ESRP2: variants seen among roughly 807,000 people sequenced by gnomAD.
ESRP2 encodes epithelial splicing regulatory protein 2.
A neutral mutation model predicts 78.6 loss-of-function variants in ESRP2; 48 were observed. That is an observed-to-expected ratio of 0.61 (90% CI 0.48 to 0.78). The LOEUF is 0.78. Among genes scored for constraint, ESRP2 ranks in the 30% least tolerant of loss-of-function variants. The pLI, the probability that ESRP2 is intolerant of heterozygous loss-of-function variation, is 0.00. For synonymous variants in ESRP2, 383 were observed against 406.7 expected (o/e 0.94, Z 0.70); for missense variants, 863 against 965.9 (o/e 0.89, Z 1.41).
Position 68,232,456 on chromosome 16 carries a change from T to C in ESRP2, c.869A>G (p.Glu290Gly). ...CLNAQGRRNGEALIRFVDSEQ... is the reference protein window; with the variant it reads ...CLNAQGRRNGGALIRFVDSEQ... The stretch of plus-strand genomic sequence containing the variant: ...GCTGTCCACAAAGCGGATGAGGGCC[T>C]CGCCATTTCTGCGGCCCTGGGCGTT... Residue 290 changes from glutamate (E) to glycine (G), a missense_variant, in exon 8 of 15, where the codon GAG (glutamate) becomes GGG (glycine). Glu to Gly is a moderately conservative substitution (Grantham distance 98). Transcript: ENST00000473183. The surrounding 1 kb of genome is among the most constrained non-coding windows in gnomAD (Gnocchi z 5.2). 6.2e-7 allele frequency: 1 copy of C among 1,614,194 alleles called. No homozygotes were observed. The highest frequency in any genetic ancestry group is 2.2e-5 in the East Asian group (1 of 44,890).
At position 68,231,961 on chromosome 16, in the gene ESRP2, C is replaced by T. The variant is rs1598651498; in HGVS notation, c.1140G>A (p.Gly380=). The T allele has an allele frequency of 6.2e-7, 1 of 1,614,078 alleles. No individual in the cohort carries two copies. The highest frequency in any genetic ancestry group is 8.5e-7 in the Non-Finnish European group (1 of 1,180,022). Residue 380 remains glycine, a synonymous_variant, in exon 10 of 15, where the codon GGG becomes GGA. Transcript: ENST00000473183. This position sits in a 1 kb window ranked among gnomAD's most constrained non-coding sequence, Gnocchi z 6.0. ...CATCAGGATGGCGCACAAAGAGCAGCCCCTCGGTACCCCCAGTCACTGGGC... is the reference window on the plus strand; with the variant it reads ...CATCAGGATGGCGCACAAAGAGCAGTCCCTCGGTACCCCCAGTCACTGGGC... ...PECPVTGGTE[G]LLFVRHPDGR... is the part of the protein sequence containing the mutation.
chr16:68,230,921 C>A lies in ESRP2; in HGVS notation c.1818G>T (p.Val606=). 1 of 1,613,554 alleles carries A rather than the reference C, an allele frequency of 6.2e-7. No homozygotes were observed. The change falls in exon 13 of 15, where the codon GTG becomes GTT. Residue 606 remains valine, a synonymous_variant. Transcript: ENST00000473183. ...AGGCAACAGGGGTGGGGGCAGCAGG[C>A]ACCCTGGCAGCTGGGAGCAGTGCTG... ...PSSALLPAAR[V]PAAPTPVAYY...
chr16:68,230,114 A>G lies in ESRP2; in HGVS notation c.*112T>C. On this transcript the variant is annotated 3_prime_UTR_variant, in exon 15 of 15. Transcript: ENST00000473183. ...TGGGCTCCTCTAGGTACCTTCTGAGAGCTTTGACAAGCCAGAAAGAAGCTA... is the reference window on the plus strand; with the variant it reads ...TGGGCTCCTCTAGGTACCTTCTGAGGGCTTTGACAAGCCAGAAAGAAGCTA... The G allele has an allele frequency of 2.0e-6, 2 of 987,752 alleles. No homozygotes were observed. Among genetic ancestry groups the G allele is most frequent in the African/African-American group, 1.6e-5 (1 of 63,012 alleles). The allele number at this position is 987,752 out of a possible 1,614,324, so 61.2% of individuals were successfully genotyped here.
rs1412840846 is a variant in ESRP2 at position 68,229,166 on chromosome 16, G to A, written c.*1060C>T. ...TTTTAAAACCTTTTATGGGAGTGCA[G>A]TGCTCCTTACACAAATACAAAGGGA... On this transcript the variant is annotated 3_prime_UTR_variant, in exon 15 of 15. Transcript: ENST00000473183. 1 of 152,232 alleles carries A rather than the reference G, an allele frequency of 6.6e-6. No homozygotes were observed. Among genetic ancestry groups the A allele is most frequent in the African/African-American group, 2.4e-5 (1 of 41,456 alleles). The allele number at this position is 152,232 out of a possible 1,614,324, so 9.4% of individuals were successfully genotyped here.
chr16:68,233,966 C>T (rs2042186021), intron 3 of ESRP2, 28 bp downstream of exon 3: 2 of 1,610,394 alleles, frequency 1.2e-6, no homozygotes, highest in Admixed American at 1.7e-5. Flanking sequence ...ACCACCCCAC[C>T]CCACCCGGTT....
Position 68,232,102 on chromosome 16 carries a change from G to T in ESRP2, c.999C>A (p.Gly333=), listed in dbSNP as rs1342007358. 3 of 1,612,198 alleles carry T rather than the reference G, an allele frequency of 1.9e-6. No individual in the cohort carries two copies. Among genetic ancestry groups the T allele is most frequent in the South Asian group, 2.2e-5 (2 of 90,980 alleles). ...TGEEFVKIAG[G]TSLEVARFLS... Reference sequence around the variant, plus strand: ...AGAAACGAGCCACCTCTAGTGATGTGCCTGTGTATGAGAGTCGCCTGCTGA... The same window carrying T: ...AGAAACGAGCCACCTCTAGTGATGTTCCTGTGTATGAGAGTCGCCTGCTGA... The change falls in exon 10 of 15, where the codon GGC becomes GGA. Residue 333 remains glycine, a splice_region_variant and synonymous_variant. Coordinates refer to ENST00000473183, the MANE Select transcript of ESRP2 (RefSeq NM_024939.3). The surrounding 1 kb of genome is among the most constrained non-coding windows in gnomAD (Gnocchi z 5.2).
rs772909100 is a variant in ESRP2 at position 68,232,338 on chromosome 16, T to G, written c.954+33A>C. 130 of 1,614,036 alleles carry G rather than the reference T, an allele frequency of 8.1e-5. No individual in the cohort carries two copies. Among genetic ancestry groups the G allele is most frequent in the Non-Finnish European group, 1.0e-4 (118 of 1,180,008 alleles). On this transcript the variant is annotated intron_variant, in intron 8 of 14. Transcript: ENST00000473183. The surrounding 1 kb of genome is among the most constrained non-coding windows in gnomAD (Gnocchi z 5.2). ...CATGGGTCTCAGGCCTGACTCAGAT[T>G]GGCCCTGCTCCGCTCCCAGCCCAAA...
At position 68,232,695 on chromosome 16, in the gene ESRP2, G is replaced by A; in HGVS notation, c.711-8C>T. 1.2e-6 allele frequency: 2 copies of A among 1,614,198 alleles called. No individual in the cohort carries two copies. Among genetic ancestry groups the A allele is most frequent in the South Asian group, 1.1e-5 (1 of 91,080 alleles). ...ACCACATCAGCCTTGCTGCTGTAGG[G>A]GCAGGGCACAGTGCTGTCAGAGCTA... On this transcript the variant is annotated splice_polypyrimidine_tract_variant and splice_region_variant and intron_variant, in intron 6 of 14. Transcript: ENST00000473183. This position sits in a 1 kb window ranked among gnomAD's most constrained non-coding sequence, Gnocchi z 5.2.
chr16:68,231,225 C>T lies in ESRP2; in HGVS notation c.1664G>A (p.Gly555Asp), dbSNP rs1008336783. ...GGACATGCCACTGCGGCCCAAGGTG[C>T]CCCCCATCAGCACTCGGCTCATCTC... is the stretch of plus-strand genomic sequence containing the variant. ...TEEMSRVLMG[G>D]TLGRSGMSPP... The change falls in exon 12 of 15, where the codon GGC becomes GAC. Residue 555 changes from glycine to aspartate, a missense_variant. By Grantham distance (94) the Gly-to-Asp change is moderately conservative (BLOSUM62 -1). Transcript: ENST00000473183. The surrounding 1 kb of genome is among the most constrained non-coding windows in gnomAD (Gnocchi z 6.0). 6.2e-7 allele frequency: 1 copy of T among 1,613,554 alleles called. No individual in the cohort carries two copies. Among genetic ancestry groups the T allele is most frequent in the African/African-American group, 1.3e-5 (1 of 74,880 alleles).
At position 68,231,971 on chromosome 16, in the gene ESRP2, C is replaced by T; in HGVS notation, c.1130G>A (p.Gly377Asp). ...GCGCACAAAGAGCAGCCCCTCGGTA[C>T]CCCCAGTCACTGGGCACTCTGGCCC... ...FLGPECPVTGGTEGLLFVRHP... is the reference protein window; with the variant it reads ...FLGPECPVTGDTEGLLFVRHP... The change falls in exon 10 of 15, where the codon GGT becomes GAT. Residue 377 changes from glycine (G) to aspartate (D), a missense_variant. Coordinates refer to ENST00000473183, the MANE Select transcript of ESRP2 (RefSeq NM_024939.3). The surrounding 1 kb of genome is among the most constrained non-coding windows in gnomAD (Gnocchi z 6.0). 3 of 1,614,112 alleles carry T rather than the reference C, an allele frequency of 1.9e-6. No individual in the cohort carries two copies. Among genetic ancestry groups the T allele is most frequent in the South Asian group, 1.1e-5 (1 of 91,080 alleles).
In ESRP2 at chr16:68,235,856, T is replaced by C. The variant is rs375500517; in HGVS notation, c.190A>G (p.Ser64Gly). The C allele has an allele frequency of 2.4e-5, 38 of 1,611,886 alleles. No individual in the cohort carries two copies. Among genetic ancestry groups the C allele is most frequent in the Non-Finnish European group, 3.0e-5 (35 of 1,179,592 alleles). The change falls in exon 1 of 15, where the codon AGC (serine) becomes GGC (glycine). Residue 64 changes from serine (S) to glycine (G), a missense_variant. Ser to Gly is a moderately conservative substitution (Grantham distance 56, BLOSUM62 0). Transcript: ENST00000473183. The surrounding 1 kb of genome is among the most constrained non-coding windows in gnomAD (Gnocchi z 5.5). The part of the protein sequence containing the change: ...LLVWQVVEPR[S>G]RQVGTLHKSL... The stretch of plus-strand genomic sequence containing the variant: ...CCTCTTTTCCACCCTACCTGGCGGC[T>C]CCGCGGCTCAACCACTTGCCAAACT...
In ESRP2 at chr16:68,230,906, G is replaced by A; in HGVS notation, c.1833C>T (p.Thr611=). Reference sequence around the variant, plus strand: ...CTGGCCCTGGATAGTAGGCAACAGGGGTGGGGGCAGCAGGCACCCTGGCAG... The same window carrying A: ...CTGGCCCTGGATAGTAGGCAACAGGAGTGGGGGCAGCAGGCACCCTGGCAG... ...LPAARVPAAP[T]PVAYYPGPAT... Residue 611 remains threonine (T), a synonymous_variant, in exon 13 of 15, where the codon ACC becomes ACT. Transcript: ENST00000473183. 2 of 1,614,006 alleles carry A rather than the reference G, an allele frequency of 1.2e-6. No individual in the cohort carries two copies. The highest frequency in any genetic ancestry group is 1.3e-5 in the African/African-American group (1 of 75,010).
chr16:68,233,575 G>T (rs1417112443), intron 4 of ESRP2, 150 bp from the exon 5 acceptor site: 2 of 743,300 alleles, frequency 2.7e-6, no homozygotes, highest in Non-Finnish European at 4.7e-6. Flanking sequence ...CAGATTCCCA[G>T]TCCAGACATA....
chr16:68,234,359 A>AAC (rs1421051277), intron 2 of ESRP2: 2 of 500,416 alleles, frequency 4.0e-6, no homozygotes, highest in Non-Finnish European at 3.6e-6. Flanking sequence ...CGAAGCCCTC[A>AAC]ACACACACAC....
chr16:68,230,015 C>A lies in ESRP2; in HGVS notation c.*211G>T. ...GAGCTGGTTAGCCCCATTCCACCCC[C>A]AGCCCTGCATGCAGGGTCCAGCCAT... On this transcript the variant is annotated 3_prime_UTR_variant, in exon 15 of 15. Transcript: ENST00000473183. 5.1e-6 allele frequency: 3 copies of A among 592,992 alleles called. No homozygotes were observed. In the South Asian group the frequency reaches 6.1e-5, roughly 12 times the overall value. The allele number at this position is 592,992 out of a possible 1,614,324, so 36.7% of individuals were successfully genotyped here.
At position 68,232,614 on chromosome 16, in the gene ESRP2, C is replaced by G; in HGVS notation, c.784G>C (p.Asp262His). The G allele has an allele frequency of 6.2e-7, 1 of 1,614,230 alleles. No individual in the cohort carries two copies. Among genetic ancestry groups the G allele is most frequent in the Non-Finnish European group, 8.5e-7 (1 of 1,180,046 alleles). ...RGLPWQSSDQ[D>H]VARFFKGLNV... is the part of the protein sequence containing the mutation. The stretch of plus-strand genomic sequence containing the variant: ...AGCCCTTTGAAGAAGCGAGCCACGT[C>G]CTGGTCTGATGACTGCCACGGCAAC... Residue 262 changes from aspartate (D) to histidine (H), a missense_variant, in exon 7 of 15, where the codon GAC becomes CAC. Transcript: ENST00000473183. This position sits in a 1 kb window ranked among gnomAD's most constrained non-coding sequence, Gnocchi z 5.2.
chr16:68,233,340 G>A lies in ESRP2; in HGVS notation c.642C>T (p.Leu214=). Residue 214 remains leucine (L), a synonymous_variant, in exon 5 of 15, where the codon CTC becomes CTT. Coordinates refer to ENST00000473183, the MANE Select transcript of ESRP2 (RefSeq NM_024939.3). ...KTMVAVILHL[L]KEPSSQLFSK... Reference sequence around the variant, plus strand: ...GGGAAACCTTACTGCTGGGCTCTTTGAGTAGATGGAGGATAACAGCTACCA... The same window carrying A: ...GGGAAACCTTACTGCTGGGCTCTTTAAGTAGATGGAGGATAACAGCTACCA... 1 of 1,613,550 alleles carries A rather than the reference G, an allele frequency of 6.2e-7. No individual in the cohort carries two copies. Among genetic ancestry groups the A allele is most frequent in the Non-Finnish European group, 8.5e-7 (1 of 1,179,444 alleles).
In ESRP2 at chr16:68,230,869, A is replaced by G. The variant is rs965935315; in HGVS notation, c.1870T>C (p.Tyr624His). ...AYYPGPATQL[Y>H]LNYTAYYPSP... is the part of the protein sequence containing the mutation. ...GGGTAGTAGGCTGTGTAGTTCAGGT[A>G]GAGTTGAGTGGCTGGCCCTGGATAG... The change falls in exon 13 of 15, where the codon TAC becomes CAC. Residue 624 changes from tyrosine (Y) to histidine (H), a missense_variant. Physicochemically the swap from Tyr to His is moderately conservative, Grantham distance 83. Transcript: ENST00000473183. The G allele has an allele frequency of 6.2e-7, 1 of 1,614,008 alleles. No individual in the cohort carries two copies.
Position 68,230,523 on chromosome 16 carries a change from G to T in ESRP2, c.1930C>A (p.Leu644Ile). The T allele has an allele frequency of 6.3e-7, 1 of 1,593,814 alleles. No homozygotes were observed. Among genetic ancestry groups the T allele is most frequent in the Non-Finnish European group, 8.6e-7 (1 of 1,168,718 alleles). The change falls in exon 14 of 15, where the codon CTC becomes ATC. Residue 644 changes from leucine to isoleucine, a missense_variant. Physicochemically the swap from Leu to Ile is conservative, Grantham distance 5. Coordinates refer to ENST00000473183, the MANE Select transcript of ESRP2 (RefSeq NM_024939.3). Reference protein sequence around the residue: ...PPVSPTTVGYLTTPTAALASA... With the variant: ...PPVSPTTVGYITTPTAALASA... ...GCCAGGGCAGCAGTGGGTGTAGTGA[G>T]GTAGCCCACAGTGGTGGGGGAGACT...
Sources: allele counts gnomAD v4.1 joint callset, GRCh38; gene constraint gnomAD v4.1.1; non-coding constraint Gnocchi (gnomAD v3.1); transcripts MANE v1.5; gene names NCBI Gene and HGNC (gene_info 2026-07-23, HGNC 2026-07-21).